The following DCTN6 variants were observed in gnomAD, a reference collection of about 807,000 sequenced individuals.
DCTN6 encodes the protein dynactin 6.
Under a neutral mutation model 25.8 loss-of-function variants are expected in DCTN6, and 15 were observed. The ratio of observed to expected loss-of-function variants is 0.58; its 90% confidence interval spans 0.39 to 0.89. DCTN6 has a LOEUF of 0.89. Among genes scored for constraint, DCTN6 ranks in the 40% least tolerant of loss-of-function variants. The pLI is 0.00. For missense variants in DCTN6, 198 were observed against 237.6 expected, an observed-to-expected ratio of 0.83 and a Z score of 1.09; for synonymous variants, 64 against 78.3, an observed-to-expected ratio of 0.82 and a Z score of 0.96.
intron 2 of DCTN6, among the ~76,000 whole-genome samples, chr8:30,164,597 T>C (rs1803641023): frequency 6.6e-6 from 1 of 152,212 alleles, no homozygotes; most frequent in South Asian, 2.1e-4. Flanking sequence ...TTTGAACATA[T>C]TACTTAACCT....
chr8:30,176,985 A>G (rs1803844150), intron 3 of DCTN6, 141 bp from the exon 4 acceptor site: 2 of 615,886 alleles, frequency 3.2e-6, no homozygotes, highest in Admixed American at 6.4e-5. Context: ...AAAAGAAAGA[A>G]AAAAAGAAAT....
At chr8:30,161,873 A>C (rs1227904463) in intron 1 of DCTN6, among the ~76,000 whole-genome samples, 56 of 128,880 alleles carry the variant, frequency 4.3e-4, no homozygotes, top group Middle Eastern at 5.9e-3. Flanking sequence ...TCAGCCTCCC[A>C]AGTAGCTGGG....
intron 2 of DCTN6, among the ~76,000 whole-genome samples, chr8:30,168,932 G>A (rs976975853): frequency 2.6e-5 from 4 of 152,184 alleles, no homozygotes; most frequent in Admixed American, 2.6e-4. Flanking sequence ...CATGGCCCAT[G>A]AATTATTTCC....
At chr8:30,179,981 T>C (rs1441602661) in intron 5 of DCTN6, among the ~76,000 whole-genome samples, 1 of 152,218 alleles carries the variant, frequency 6.6e-6, no homozygotes, top group Non-Finnish European at 1.5e-5. Flanking sequence ...TTCTTTAGAA[T>C]AGTGGGTTAT....
At chr8:30,166,460 C>A (rs1340304457) in intron 2 of DCTN6, among the ~76,000 whole-genome samples, 1 of 151,736 alleles carries the variant, frequency 6.6e-6, no homozygotes, top group Non-Finnish European at 1.5e-5. Context: ...ACAACAACCC[C>A]ATTTTAAATA....
In DCTN6 at chr8:30,170,678, G is replaced by C. The variant is rs1486334832; in HGVS notation, c.89-4407G>C. 3.3e-5 allele frequency among the ~76,000 whole-genome samples: 5 copies of C among 149,846 alleles called. No homozygotes were observed. The Admixed American group carries it at 3.3e-4, about 10-fold the overall frequency. ...TTTTTTTGAGACAGAGTCTCACTTT[G>C]TCACCCAGGCTGGAGTGCAGTGGCG... On this transcript the variant is annotated intron_variant, in intron 2 of 6. Coordinates refer to ENST00000221114, the MANE Select transcript of DCTN6 (RefSeq NM_006571.4).
intron 2 of DCTN6, among the ~76,000 whole-genome samples, chr8:30,170,448 T>C (rs1803749021): frequency 1.3e-5 from 2 of 152,176 alleles, no homozygotes; most frequent in South Asian, 2.1e-4. Flanking sequence ...CTCACCTAAA[T>C]GCGGCGGTGC....
At chr8:30,163,020 G>A (rs570992709) in intron 1 of DCTN6, among the ~76,000 whole-genome samples, 13 of 151,802 alleles carry the variant, frequency 8.6e-5, no homozygotes, top group South Asian at 4.2e-4. Flanking sequence ...TGAGGTCGCC[G>A]GGCACGGTGG....
At chr8:30,182,319 A>G (rs1294122434) in intron 6 of DCTN6, among the ~76,000 whole-genome samples, 1 of 152,158 alleles carries the variant, frequency 6.6e-6, no homozygotes, top group Non-Finnish European at 1.5e-5. Context: ...GAGTTTTACA[A>G]TCAGGAAAAT....
intron 2 of DCTN6, among the ~76,000 whole-genome samples, chr8:30,170,878 A>G (rs1333044831): frequency 6.6e-6 from 1 of 151,992 alleles, no homozygotes; most frequent in Non-Finnish European, 1.5e-5. Flanking sequence ...CAAGTGATCC[A>G]CCTGCCTCGG....
chr8:30,171,404 C>T (rs909476640), intron 2 of DCTN6, among the ~76,000 whole-genome samples: 3 of 151,928 alleles, frequency 2.0e-5, no homozygotes, highest in African/African-American at 7.3e-5. Flanking sequence ...TGCACCCCAC[C>T]ATAACTGGCC....
intron 1 of DCTN6, among the ~76,000 whole-genome samples, chr8:30,161,581 C>T (rs1368001656): frequency 6.6e-6 from 1 of 152,114 alleles, no homozygotes; most frequent in Admixed American, 6.5e-5. Flanking sequence ...CTTTTCCTCC[C>T]AGCCTTACCT....
At chr8:30,173,337 A>G (rs1437927019) in intron 2 of DCTN6, among the ~76,000 whole-genome samples, 1 of 152,216 alleles carries the variant, frequency 6.6e-6, no homozygotes, top group Non-Finnish European at 1.5e-5. Flanking sequence ...CCAGTTTTCA[A>G]GATAACAAGT....
intron 2 of DCTN6, among the ~76,000 whole-genome samples, chr8:30,173,478 C>T (rs77888996): frequency 0.062 from 9,425 of 152,212 alleles, 436 homozygotes; most frequent in East Asian, 0.27. Context: ...CAGTGGCTCA[C>T]GCCTGTAATC....
In DCTN6 at chr8:30,164,908, G is replaced by A. The variant is rs963847292; in HGVS notation, c.88+733G>A. ...AACAGCCTTCCTGAAAGTTCCACAC[G>A]ACCCTCCTCTGTGTGTCTCATGGCT... On this transcript the variant is annotated intron_variant, in intron 2 of 6. Transcript: ENST00000221114. 3.3e-5 allele frequency among the ~76,000 whole-genome samples: 5 copies of A among 152,158 alleles called. No homozygotes were observed. The South Asian group carries it at 6.2e-4, about 19-fold the overall frequency.
chr8:30,171,260 TC>T (rs1585502543), intron 2 of DCTN6, among the ~76,000 whole-genome samples: 2 of 150,938 alleles, frequency 1.3e-5, no homozygotes, highest in East Asian at 4.0e-4. Flanking sequence ...CTTTTTTTTT[TC>T]CCCTCAGAGA....
At chr8:30,166,640 T>C (rs1803679739) in intron 2 of DCTN6, among the ~76,000 whole-genome samples, 1 of 152,128 alleles carries the variant, frequency 6.6e-6, no homozygotes, top group African/African-American at 2.4e-5. Context: ...GCAAGGAAGG[T>C]AGCTGCCAGT....
intron 1 of DCTN6, among the ~76,000 whole-genome samples, chr8:30,156,771 G>A (rs371882904): frequency 1.3e-5 from 2 of 152,184 alleles, no homozygotes; most frequent in African/African-American, 2.4e-5. Context: ...GCGGTGCTTG[G>A]CGCCGCTGTA....
At chr8:30,167,111 G>A (rs1276229433) in intron 2 of DCTN6, among the ~76,000 whole-genome samples, 1 of 151,122 alleles carries the variant, frequency 6.6e-6, no homozygotes. Context: ...GGAAGAGAAA[G>A]AGAAAGGGAA....
Sources: allele counts gnomAD v4.1 joint callset (sites outside exome capture counted in the v4.1 genomes callset), GRCh38; gene constraint gnomAD v4.1.1; transcripts MANE v1.5; gene names NCBI Gene and HGNC (gene_info 2026-07-23, HGNC 2026-07-21).